The following PLEKHM2 variants were observed in gnomAD, a reference collection of about 807,000 sequenced individuals.
PLEKHM2 encodes the protein pleckstrin homology domain-containing family M member 2.
Under a neutral mutation model 116.3 loss-of-function variants are expected in PLEKHM2, and 77 were observed. That is an observed-to-expected ratio of 0.66 (90% CI 0.55 to 0.80). The LOEUF (loss-of-function observed/expected upper bound fraction) is 0.80, where lower values mean the gene tolerates loss of function less well. Among genes scored for constraint, PLEKHM2 ranks in the 30% least tolerant of loss-of-function variants. PLEKHM2 has a pLI of 0.00. For synonymous variants in PLEKHM2, 562 were observed against 571.0 expected (o/e 0.98, Z 0.22); for missense variants, 1,183 against 1,354.9 (o/e 0.87, Z 1.99).
chr1:15,720,264 G>A (rs949123482), intron 6 of PLEKHM2: 7 of 864,132 alleles, frequency 8.1e-6, no homozygotes, highest in African/African-American at 3.7e-5. Context: ...TTGTCGCAGG[G>A]TTGAGTGTTG....
At chr1:15,705,240 G>A (rs1038425153) in intron 1 of PLEKHM2, among the ~76,000 whole-genome samples, 3 of 137,754 alleles carry the variant, frequency 2.2e-5, no homozygotes, top group East Asian at 2.1e-4. Context: ...GTGCAGTGGT[G>A]CAATCTTGGC....
intron 7 of PLEKHM2, among the ~76,000 whole-genome samples, chr1:15,725,035 G>A (rs1380612719): frequency 6.6e-6 from 1 of 152,178 alleles, no homozygotes; most frequent in Non-Finnish European, 1.5e-5. Flanking sequence ...GAGCCTGGAG[G>A]CTGCTTCACC....
chr1:15,700,681 G>C (rs1043360628), intron 1 of PLEKHM2, among the ~76,000 whole-genome samples: 1 of 152,108 alleles, frequency 6.6e-6, no homozygotes, highest in Admixed American at 6.6e-5. Context: ...TAACCAAATG[G>C]TTTCTAAGGG....
Position 15,727,609 on chromosome 1 carries a change from A to G in PLEKHM2, c.1537A>G (p.Thr513Ala). Residue 513 changes from threonine to alanine, a missense_variant, in exon 9 of 20, where the codon ACG becomes GCG. Transcript: ENST00000375799. This position sits in a 1 kb window ranked among gnomAD's most constrained non-coding sequence, Gnocchi z 7.5. Reference protein sequence around the residue: ...EEEGGGGEGQTPRPLEDTTRE... With the variant: ...EEEGGGGEGQAPRPLEDTTRE... The stretch of plus-strand genomic sequence containing the variant: ...AGAGGGAGGAGGAGGAGAGGGACAG[A>G]CGCCTCGGCCCCTAGAGGATACCAC... The G allele has an allele frequency of 6.3e-7, 1 of 1,584,736 alleles. No homozygotes were observed. Among genetic ancestry groups the G allele is most frequent in the Non-Finnish European group, 8.6e-7 (1 of 1,166,210 alleles).
At chr1:15,695,114 A>G (rs1055620962) in intron 1 of PLEKHM2, among the ~76,000 whole-genome samples, 4 of 152,198 alleles carry the variant, frequency 2.6e-5, no homozygotes, top group African/African-American at 7.2e-5. Context: ...GTCTACAAAC[A>G]TTGCACAAAT....
At chr1:15,693,874 G>C (rs1640937292) in intron 1 of PLEKHM2, among the ~76,000 whole-genome samples, 1 of 152,168 alleles carries the variant, frequency 6.6e-6, no homozygotes, top group East Asian at 1.9e-4. Context: ...CATTTGCAGG[G>C]ATTGTGGGGC....
rs371661618 is a variant in PLEKHM2 at position 15,727,542 on chromosome 1, G to T, written c.1470G>T (p.Pro490=). The T allele has an allele frequency of 1.9e-6, 3 of 1,577,006 alleles. No homozygotes were observed. The highest frequency in any genetic ancestry group is 2.6e-6 in the Non-Finnish European group (3 of 1,161,922). The part of the protein sequence containing the change: ...GHHDPAGLGQ[P]LHVPSSPEAA... Reference sequence around the variant, plus strand: ...ATGACCCTGCAGGGCTTGGCCAACCGCTGCATGTTCCTAGTAGCCCTGAGG... The same window carrying T: ...ATGACCCTGCAGGGCTTGGCCAACCTCTGCATGTTCCTAGTAGCCCTGAGG... The change falls in exon 9 of 20, where the codon CCG becomes CCT. Residue 490 remains proline, a synonymous_variant. Transcript: ENST00000375799. This position sits in a 1 kb window ranked among gnomAD's most constrained non-coding sequence, Gnocchi z 7.5.
chr1:15,729,103 T>C lies in PLEKHM2; in HGVS notation c.1988T>C (p.Val663Ala), dbSNP rs1383325566. ...ATGTCACGGTGTGGTTTCTGGCAGG[T>C]TGGCCTTGACCAGCAGACGGTGAAG... ...VSYNELDYVS[V>A]GLDQQTVKLV... Residue 663 changes from valine (V) to alanine (A), a missense_variant and splice_region_variant, in exon 13 of 20, where the codon GTT (valine) becomes GCT (alanine). By Grantham distance (64) the Val-to-Ala change is moderately conservative. Transcript: ENST00000375799. This position sits in a 1 kb window ranked among gnomAD's most constrained non-coding sequence, Gnocchi z 4.7. 5.6e-6 allele frequency: 9 copies of C among 1,607,102 alleles called. No homozygotes were observed. Among genetic ancestry groups the C allele is most frequent in the Non-Finnish European group, 7.6e-6 (9 of 1,176,976 alleles).
At chr1:15,725,935 C>T in intron 8 of PLEKHM2, 1 of 213,586 alleles carries the variant, frequency 4.7e-6, no homozygotes, top group Non-Finnish European at 9.5e-6. Flanking sequence ...GGTGCTGATC[C>T]CATTCCTGAG....
At chr1:15,699,517 T>C (rs964379617) in intron 1 of PLEKHM2, among the ~76,000 whole-genome samples, 27 of 152,196 alleles carry the variant, frequency 1.8e-4, no homozygotes, top group African/African-American at 6.5e-4. Context: ...GCAAAGGACA[T>C]GAACTCATCC....
chr1:15,690,562 C>CAGT (rs1640869573), intron 1 of PLEKHM2, among the ~76,000 whole-genome samples: 1 of 152,184 alleles, frequency 6.6e-6, no homozygotes, highest in Non-Finnish European at 1.5e-5. Flanking sequence ...AGCCCACAGG[C>CAGT]AGTAGTTCGC....
intron 1 of PLEKHM2, among the ~76,000 whole-genome samples, chr1:15,689,258 AAAAG>A (rs1423509505): frequency 1.1e-4 from 17 of 151,512 alleles, no homozygotes; most frequent in African/African-American, 2.4e-4. Context: ...AAAAAAAAAA[AAAAG>A]AAAGAAAGAA....
At chr1:15,731,132 G>A in intron 15 of PLEKHM2, 60 bp from the exon 16 acceptor site, 1 of 1,276,698 alleles carries the variant, frequency 7.8e-7, no homozygotes, top group African/African-American at 1.5e-5. Flanking sequence ...TGGGACCTGG[G>A]CTCCGCCTGG....
intron 8 of PLEKHM2, chr1:15,725,760 A>T: frequency 1.7e-6 from 1 of 578,490 alleles, no homozygotes; most frequent in South Asian, 2.1e-5. Flanking sequence ...CACCGCAGAC[A>T]GGCGGCTTCC....
At chr1:15,709,219 C>G (rs1641280893) in intron 1 of PLEKHM2, among the ~76,000 whole-genome samples, 1 of 152,146 alleles carries the variant, frequency 6.6e-6, no homozygotes, top group Admixed American at 6.5e-5. Flanking sequence ...TGAGTGCAAC[C>G]AAAGAGTAAT....
In PLEKHM2 at chr1:15,717,875, T is replaced by C; in HGVS notation, c.278-18T>C. The C allele has an allele frequency of 6.5e-7, 1 of 1,538,986 alleles. No individual in the cohort carries two copies. Among genetic ancestry groups the C allele is most frequent in the Non-Finnish European group, 8.9e-7 (1 of 1,127,174 alleles). ...TCTGAGAGGCCTTCCTGCCGGTTAC[T>C]CCTGCCTTTGTTTGCAGGCCGTGCC... On this transcript the variant is annotated intron_variant, in intron 3 of 19. Transcript: ENST00000375799.
rs1312938041 is a variant in PLEKHM2 at position 15,727,183 on chromosome 1, T to TC, written c.1117dup (p.Gln373ProfsTer25). The stretch of plus-strand genomic sequence containing the variant: ...GGACTCGCCAGACACTATGCTTGCC[T>TC]CCCCCCAGGAGGAGGGAGAGGGGCC... On this transcript the variant is annotated frameshift_variant, in exon 9 of 20. Transcript: ENST00000375799. LOFTEE classifies it high-confidence loss of function. The surrounding 1 kb of genome is among the most constrained non-coding windows in gnomAD (Gnocchi z 7.5). 1.9e-6 allele frequency: 3 copies of TC among 1,603,382 alleles called. No individual in the cohort carries two copies. Among genetic ancestry groups the TC allele is most frequent in the Non-Finnish European group, 8.5e-7 (1 of 1,175,168 alleles).
chr1:15,685,378 G>A (rs1447444982), intron 1 of PLEKHM2, among the ~76,000 whole-genome samples: 3 of 151,968 alleles, frequency 2.0e-5, no homozygotes, highest in Admixed American at 6.6e-5. Context: ...ATATTCTGAC[G>A]TTTTTGGGCT....
intron 1 of PLEKHM2, among the ~76,000 whole-genome samples, chr1:15,707,292 G>A (rs542385464): frequency 6.6e-6 from 1 of 151,960 alleles, no homozygotes; most frequent in Admixed American, 6.6e-5. Flanking sequence ...AATTAGCCAG[G>A]TGTGGTGGTA....
Sources: gnomAD v4.1 joint callset for allele counts (sites outside exome capture counted in the v4.1 genomes callset) on GRCh38, gnomAD v4.1.1 for gene constraint, Gnocchi (gnomAD v3.1) non-coding constraint, MANE v1.5 for transcripts, NCBI Gene and HGNC (gene_info 2026-07-23, HGNC 2026-07-21) for gene names.